The following SPRYD3 variants were observed in gnomAD, a reference collection of about 807,000 sequenced individuals.
The protein encoded by SPRYD3 is SPRY domain containing 3.
SPRYD3 carries 17 observed loss-of-function variants against 50.1 expected under a neutral mutation model. The ratio of observed to expected loss-of-function variants is 0.34; its 90% CI spans 0.23 to 0.51. The LOEUF is 0.51. Ranked by LOEUF, SPRYD3 falls within the 20% of genes least tolerant of loss-of-function variation. SPRYD3 has a pLI of 0.97. For missense variants in SPRYD3, 401 were observed against 591.2 expected (o/e 0.68, Z 3.34); for synonymous variants, 198 against 215.5 (o/e 0.92, Z 0.71).
chr12:53,066,110 C>T (rs1341492893), intron 10 of SPRYD3, 144 bp from the exon 11 acceptor site: 7 of 1,351,012 alleles, frequency 5.2e-6, no homozygotes, highest in South Asian at 1.4e-5. Context: ...TGGGAAGTGA[C>T]CACCAGAGGG....
intron 3 of SPRYD3, 135 bp from the exon 4 acceptor site, chr12:53,075,354 G>GGACATGGGA: frequency 1.1e-6 from 1 of 904,446 alleles, no homozygotes; most frequent in Non-Finnish European, 1.7e-6. Context: ...CAGGAAAAAA[G>GGACATGGGA]ATAAGATACT....
Position 53,073,343 on chromosome 12 carries a change from C to T in SPRYD3, c.636G>A (p.Met212Ile). ...CCCATTCATCCTCGTAACTGTCCAC[C>T]ATCATGACGCTGTCGTCCTCACGGC... Reference protein sequence around the residue: ...ELGREDDSVMMVDSYEDEWGR... With the variant: ...ELGREDDSVMIVDSYEDEWGR... Residue 212 changes from methionine to isoleucine, a missense_variant, in exon 6 of 11, where the codon ATG becomes ATA. Met to Ile is a conservative substitution (Grantham distance 10). Transcript: ENST00000301463. The T allele has an allele frequency of 6.3e-7, 1 of 1,583,826 alleles. No individual in the cohort carries two copies. The highest frequency in any genetic ancestry group is 1.1e-5 in the South Asian group (1 of 88,276).
chr12:53,066,250 A>C lies in SPRYD3; in HGVS notation c.1194+64T>G, dbSNP rs1944505231. 5 of 1,576,850 alleles carry C rather than the reference A, an allele frequency of 3.2e-6. No homozygotes were observed. The South Asian group carries it at 6.0e-5, about 19-fold the overall frequency. On this transcript the variant is annotated intron_variant, in intron 10 of 10. Transcript: ENST00000301463. ...ACCCTGGTTGTGAGTTCTGTTCCCC[A>C]CTAATACCCACCCTTTGCCCAGACC...
At chr12:53,066,069 G>GCCC in intron 10 of SPRYD3, 103 bp from the exon 11 acceptor site, 1 of 1,477,054 alleles carries the variant, frequency 6.8e-7, no homozygotes, top group Non-Finnish European at 9.2e-7. Flanking sequence ...CCAGCTTCCA[G>GCCC]CGGGGCTGGA....
At chr12:53,065,999 G>A (rs769609068) in intron 10 of SPRYD3, 33 bp from the exon 11 acceptor site, 4 of 1,601,138 alleles carry the variant, frequency 2.5e-6, no homozygotes, top group South Asian at 2.2e-5. Flanking sequence ...AATGGAGCAA[G>A]CAGGCTGTGG....
chr12:53,078,234 A>G (rs1188560357), intron 1 of SPRYD3: 1 of 337,918 alleles, frequency 3.0e-6, no homozygotes, highest in Non-Finnish European at 6.1e-6. Flanking sequence ...CACGTCTGTG[A>G]TCCCAGCACT....
chr12:53,070,934 A>G lies in SPRYD3; in HGVS notation c.693+2352T>C, dbSNP rs530747683. ...CTCCCCCTAATACACACATACCACCAAAGCCCCAAGAAGCCAAAGACATGA... is the reference window on the plus strand; with the variant it reads ...CTCCCCCTAATACACACATACCACCGAAGCCCCAAGAAGCCAAAGACATGA... On this transcript the variant is annotated intron_variant, in intron 6 of 10. Coordinates refer to ENST00000301463, the MANE Select transcript of SPRYD3 (RefSeq NM_032840.3). Among the ~76,000 whole-genome samples, 4 of 152,280 alleles carry G rather than the reference A, an allele frequency of 2.6e-5. No homozygotes were observed. The South Asian group carries it at 8.3e-4, about 32-fold the overall frequency.
In SPRYD3 at chr12:53,065,478, A is replaced by G. The variant is rs1251105056; in HGVS notation, c.*354T>C. On this transcript the variant is annotated 3_prime_UTR_variant, in exon 11 of 11. Transcript: ENST00000301463. ...ACCCTCTACAAAGCATCATGCCCGA[A>G]TAGCAGCTGAGATAGGGTGCTCACG... 1 of 233,968 alleles carries G rather than the reference A, an allele frequency of 4.3e-6. No individual in the cohort carries two copies. Among genetic ancestry groups the G allele is most frequent in the East Asian group, 8.9e-5 (1 of 11,216 alleles). The allele number at this position is 233,968 out of a possible 1,614,324, so 14.5% of individuals were successfully genotyped here. A position where few individuals can be genotyped will look rare whatever the true frequency, so the allele number is the denominator to read the frequency against.
chr12:53,066,432 A>G lies in SPRYD3; in HGVS notation c.1076T>C (p.Val359Ala), dbSNP rs1944508583. Residue 359 changes from valine to alanine, a missense_variant, in exon 10 of 11, where the codon GTC (valine) becomes GCC (alanine). Physicochemically the swap from Val to Ala is moderately conservative, Grantham distance 64. Transcript: ENST00000301463. Reference sequence around the variant, plus strand: ...GTACATGACATTCCGCACGTTCCGGACGGCCCGGGCAGTCGGAGACAGGAT... The same window carrying G: ...GTACATGACATTCCGCACGTTCCGGGCGGCCCGGGCAGTCGGAGACAGGAT... ...TVILSPTARA[V>A]RNVRNVMYLH... The G allele has an allele frequency of 6.2e-7, 1 of 1,613,434 alleles. No homozygotes were observed. The highest frequency in any genetic ancestry group is 1.1e-5 in the South Asian group (1 of 91,050).
Position 53,065,648 on chromosome 12 carries a change from T to C in SPRYD3, c.*184A>G. 1.6e-6 allele frequency: 1 copy of C among 627,124 alleles called. No individual in the cohort carries two copies. Among genetic ancestry groups the C allele is most frequent in the Non-Finnish European group, 2.8e-6 (1 of 355,414 alleles). 38.8% of individuals were successfully genotyped at this position (627,124 alleles called of 1,614,324 possible). On this transcript the variant is annotated 3_prime_UTR_variant, in exon 11 of 11. Coordinates refer to ENST00000301463, the MANE Select transcript of SPRYD3 (RefSeq NM_032840.3). ...ACTCAGGCCCAGGGACTGACAACAG[T>C]GGCAGCACCAGGTCAGAAACGTGGG...
intron 3 of SPRYD3, 121 bp from the exon 4 acceptor site, chr12:53,075,340 G>A: frequency 2.8e-6 from 3 of 1,053,350 alleles, no homozygotes; most frequent in Non-Finnish European, 4.1e-6. Flanking sequence ...AAGGACATGG[G>A]AATCAGGAAA....
At chr12:53,073,497 G>T in intron 5 of SPRYD3, 26 bp from the exon 6 acceptor site, 1 of 1,503,170 alleles carries the variant, frequency 6.7e-7, no homozygotes, top group Non-Finnish European at 9.0e-7. Flanking sequence ...AGACGGAGCT[G>T]CCACCCGGCC....
intron 10 of SPRYD3, among the ~76,000 whole-genome samples, 167 bp from the exon 11 acceptor site, chr12:53,066,133 G>A (rs1944503593): frequency 6.6e-6 from 1 of 152,100 alleles, no homozygotes; most frequent in Admixed American, 6.5e-5. Flanking sequence ...TGCTGAGGCC[G>A]GAAAACAGCC....
Position 53,074,817 on chromosome 12 carries a change from A to G in SPRYD3, c.372-33T>C, listed in dbSNP as rs1403901244. On this transcript the variant is annotated intron_variant, in intron 4 of 10. Transcript: ENST00000301463. The surrounding 1 kb of genome is among the most constrained non-coding windows in gnomAD (Gnocchi z 4.6). Reference sequence around the variant, plus strand: ...CAGAGTAGTACAGACACAGGACCCGAGCCTGGCCTCCCAACTTCTCCCCAG... The same window carrying G: ...CAGAGTAGTACAGACACAGGACCCGGGCCTGGCCTCCCAACTTCTCCCCAG... 6.8e-6 allele frequency: 11 copies of G among 1,610,932 alleles called. No individual in the cohort carries two copies. In the East Asian group the frequency reaches 2.5e-4, roughly 36 times the overall value.
chr12:53,073,261 T>TA, intron 6 of SPRYD3, 25 bp downstream of exon 6: 1 of 108,968 alleles, frequency 9.2e-6, no homozygotes, highest in Non-Finnish European at 1.9e-5. Context: ...ACCCAGCCCC[T>TA]CCCACCCTCC....
In SPRYD3 at chr12:53,066,261, C is replaced by T. The variant is rs2121194637; in HGVS notation, c.1194+53G>A. On this transcript the variant is annotated intron_variant, in intron 10 of 10. Transcript: ENST00000301463. Reference sequence around the variant, plus strand: ...GAGTTCTGTTCCCCACTAATACCCACCCTTTGCCCAGACCCAAAAACCCTG... The same window carrying T: ...GAGTTCTGTTCCCCACTAATACCCATCCTTTGCCCAGACCCAAAAACCCTG... The T allele has an allele frequency of 5.0e-6, 8 of 1,589,570 alleles. No homozygotes were observed. The South Asian group carries it at 9.3e-5, about 19-fold the overall frequency.
intron 1 of SPRYD3, 31 bp downstream of exon 1, chr12:53,079,280 C>T (rs1049800339): frequency 2.5e-6 from 4 of 1,596,946 alleles, no homozygotes; most frequent in Non-Finnish European, 2.6e-6. Flanking sequence ...GATACGAGGC[C>T]TCCGGGACCC....
rs576902014 is a variant in SPRYD3, at chr12:53,078,649, G to A, written c.23+662C>T. Among the ~76,000 whole-genome samples the A allele has an allele frequency of 1.1e-4, 16 of 152,294 alleles. No homozygotes were observed. In the South Asian group the frequency reaches 3.3e-3, roughly 32 times the overall value. On this transcript the variant is annotated intron_variant, in intron 1 of 10. Coordinates refer to ENST00000301463, the MANE Select transcript of SPRYD3 (RefSeq NM_032840.3). ...TGACATCCACTAAGTCGGTAGCAGC[G>A]CCGATGGATGGGGGTGGGATGATCC...
intron 6 of SPRYD3, among the ~76,000 whole-genome samples, chr12:53,068,614 C>T (rs1944527547): frequency 6.6e-6 from 1 of 152,138 alleles, no homozygotes; most frequent in Non-Finnish European, 1.5e-5. Flanking sequence ...TAGATGCATC[C>T]TCGCCCGCTG....
Sources: gnomAD v4.1 joint callset for allele counts (sites outside exome capture counted in the v4.1 genomes callset) on GRCh38, gnomAD v4.1.1 for gene constraint, Gnocchi (gnomAD v3.1) non-coding constraint, MANE v1.5 for transcripts, NCBI Gene and HGNC (gene_info 2026-07-23, HGNC 2026-07-21) for gene names.